Variants in DACH1 observed in about 807,000 individuals in gnomAD.
DACH1 encodes dachshund family transcription factor 1.
DACH1 carries 12 observed loss-of-function variants against 54.2 expected under a neutral mutation model. The observed-to-expected ratio is 0.22, with a 90% CI of 0.14 to 0.36. The LOEUF (loss-of-function observed/expected upper bound fraction) is 0.36, where lower values mean the gene tolerates loss of function less well. Ranked by LOEUF, DACH1 falls within the 10% of genes least tolerant of loss-of-function variation. The pLI, the probability that DACH1 is intolerant of heterozygous loss-of-function variation, is 1.00. For missense variants in DACH1, 805 were observed against 929.8 expected (o/e 0.87, Z 1.75); for synonymous variants, 386 against 366.2 (o/e 1.05, Z -0.62).
intron 7 of DACH1, among the ~76,000 whole-genome samples, chr13:71,486,800 T>TAA (rs1566289793): frequency 1.2e-3 from 24 of 20,810 alleles, no homozygotes; most frequent in South Asian, 3.9e-3. Context: ...ATTAATTAAT[T>TAA]TATTTATTTA....
chr13:71,560,046 A>C, intron 4 of DACH1, 91 bp from the exon 5 acceptor site: 1 of 1,327,704 alleles, frequency 7.5e-7, no homozygotes. Flanking sequence ...CAATACAATA[A>C]GAAATGTAAA....
intron 1 of DACH1, among the ~76,000 whole-genome samples, chr13:71,726,672 A>G (rs999849266): frequency 3.3e-5 from 5 of 152,058 alleles, no homozygotes; most frequent in African/African-American, 1.2e-4. Context: ...CATGTATAAA[A>G]TAGTCTTATT....
chr13:71,494,163 T>TA (rs1415212800), intron 6 of DACH1, among the ~76,000 whole-genome samples: 1 of 152,172 alleles, frequency 6.6e-6, no homozygotes, highest in African/African-American at 2.4e-5. Context: ...GTCTGGCAGT[T>TA]ATGCTAGTTC....
chr13:71,657,819 C>T (rs1055638832), intron 2 of DACH1, among the ~76,000 whole-genome samples: 17 of 151,694 alleles, frequency 1.1e-4, no homozygotes, highest in African/African-American at 3.9e-4. Context: ...CTATGTTGCC[C>T]GGGCTTGTCT....
chr13:71,651,915 G>A (rs373432305), intron 2 of DACH1, among the ~76,000 whole-genome samples: 8 of 152,066 alleles, frequency 5.3e-5, no homozygotes, highest in African/African-American at 1.7e-4. Context: ...TTGTGACACA[G>A]ACAGCATGTC....
intron 6 of DACH1, among the ~76,000 whole-genome samples, chr13:71,549,267 G>T (rs1883653245): frequency 6.6e-6 from 1 of 152,056 alleles, no homozygotes; most frequent in Non-Finnish European, 1.5e-5. Context: ...CTAGTAATTT[G>T]TTCTCTACCT....
chr13:71,760,105 C>A (rs185261928), intron 1 of DACH1, among the ~76,000 whole-genome samples: 1 of 152,192 alleles, frequency 6.6e-6, no homozygotes, highest in Non-Finnish European at 1.5e-5. Context: ...GCTACCACGG[C>A]GGCCCCAGGT....
chr13:71,665,886 T>C lies in DACH1; in HGVS notation c.964+15909A>G, dbSNP rs118182541. On this transcript the variant is annotated intron_variant, in intron 2 of 10. Transcript: ENST00000613252. ...CCTTCATTTCCATTTGAGCAGACTATTTAAATTTTGTGTACCTTAATACTC... is the reference window on the plus strand; with the variant it reads ...CCTTCATTTCCATTTGAGCAGACTACTTAAATTTTGTGTACCTTAATACTC... Among the ~76,000 whole-genome samples, 692 of 152,208 alleles carry C rather than the reference T, an allele frequency of 4.5e-3. 4 individuals carry two copies. Among genetic ancestry groups the C allele is most frequent in the East Asian group, 0.024 (126 of 5,188 alleles).
intron 10 of DACH1, among the ~76,000 whole-genome samples, chr13:71,467,865 C>A (rs1054853211): frequency 1.3e-5 from 2 of 151,954 alleles, no homozygotes; most frequent in Non-Finnish European, 2.9e-5. Flanking sequence ...ATTTTAAGAT[C>A]GAGAAAAATG....
At chr13:71,864,278 G>T (rs1417163479) in intron 1 of DACH1, among the ~76,000 whole-genome samples, 6 of 151,786 alleles carry the variant, frequency 4.0e-5, no homozygotes. Flanking sequence ...ATGGAAGGAA[G>T]AATACCTAAA....
intron 10 of DACH1, among the ~76,000 whole-genome samples, chr13:71,445,257 T>G: frequency 6.6e-6 from 1 of 152,304 alleles, no homozygotes; most frequent in South Asian, 2.1e-4. Context: ...TGTTAAAGTT[T>G]ATCTAAAACT....
chr13:71,737,918 G>A (rs1291767032), intron 1 of DACH1, among the ~76,000 whole-genome samples: 1 of 152,160 alleles, frequency 6.6e-6, no homozygotes, highest in East Asian at 1.9e-4. Context: ...AAGAGATCCT[G>A]CTGGAAACAA....
chr13:71,514,068 G>A (rs971160050), intron 6 of DACH1, among the ~76,000 whole-genome samples: 1 of 151,954 alleles, frequency 6.6e-6, no homozygotes, highest in Non-Finnish European at 1.5e-5. Context: ...TATGAGTTCT[G>A]TTATCTCATT....
chr13:71,535,474 AGAC>A (rs1178449542), intron 6 of DACH1, among the ~76,000 whole-genome samples: 1 of 152,014 alleles, frequency 6.6e-6, no homozygotes, highest in African/African-American at 2.4e-5. Context: ...TGAAATAAGG[AGAC>A]AGACTTAGCA....
chr13:71,826,518 T>C (rs1371863943), intron 1 of DACH1, among the ~76,000 whole-genome samples: 1 of 151,986 alleles, frequency 6.6e-6, no homozygotes, highest in Admixed American at 6.6e-5. Flanking sequence ...ATAACCTGTC[T>C]CTTCTCCCAT....
At chr13:71,727,882 G>T (rs538626891) in intron 1 of DACH1, among the ~76,000 whole-genome samples, 17 of 152,160 alleles carry the variant, frequency 1.1e-4, no homozygotes, top group Non-Finnish European at 2.1e-4. Context: ...TGTGCATAAA[G>T]CATACTGTGT....
intron 1 of DACH1, among the ~76,000 whole-genome samples, chr13:71,710,450 TTTTGTGTG>T (rs973617915): frequency 5.2e-5 from 5 of 96,282 alleles, no homozygotes; most frequent in African/African-American, 1.1e-4. Flanking sequence ...AATATGAGGG[TTTTGTGTG>T]TGTGTGTGTG....
chr13:71,738,518 T>G lies in DACH1; in HGVS notation c.849-56608A>C, dbSNP rs186030791. 4.0e-4 allele frequency among the ~76,000 whole-genome samples: 61 copies of G among 151,028 alleles called. 1 individual carries two copies. The East Asian group carries it at 8.7e-3, about 21-fold the overall frequency. ...AGGCCGAGGTGGGAGGATCATGAGG[T>G]CAGGAGTTCAAGACCAGCCTGACCA... On this transcript the variant is annotated intron_variant, in intron 1 of 10. Transcript: ENST00000613252.
intron 4 of DACH1, among the ~76,000 whole-genome samples, chr13:71,561,350 ATAAT>A: frequency 6.6e-6 from 1 of 152,212 alleles, no homozygotes. Context: ...CTTTGCAGAC[ATAAT>A]TAGTTAAGAT....
Sources: allele counts gnomAD v4.1 joint callset (sites outside exome capture counted in the v4.1 genomes callset), GRCh38; gene constraint gnomAD v4.1.1; transcripts MANE v1.5; gene names NCBI Gene and HGNC (gene_info 2026-07-23, HGNC 2026-07-21).